The following ADARB2 variants were observed in gnomAD, a reference collection of about 807,000 sequenced individuals.
ADARB2 encodes the protein adenosine deaminase RNA specific B2 (inactive), also known as inactive double-stranded RNA-specific editase B2.
Under a neutral mutation model 62.2 loss-of-function variants are expected in ADARB2, and 25 were observed. The observed-to-expected ratio is 0.40, with a 90% CI of 0.29 to 0.56. The LOEUF (loss-of-function observed/expected upper bound fraction) is 0.56, where lower values mean the gene tolerates loss of function less well. ADARB2 is among the 20% of genes least tolerant of loss of function. ADARB2 has a pLI of 0.43. For missense variants in ADARB2, 1,071 were observed against 1,077.4 expected, an observed-to-expected ratio of 0.99 and a Z score of 0.08; for synonymous variants, 572 against 500.8, an observed-to-expected ratio of 1.14 and a Z score of -1.90.
At chr10:1,260,117 A>T (rs1430902471) in intron 4 of ADARB2, among the ~76,000 whole-genome samples, 1 of 130,312 alleles carries the variant, frequency 7.7e-6, no homozygotes. Context: ...ATGCTAAAAA[A>T]ACCTCAATAA....
chr10:1,203,454 C>T (rs141519010), intron 7 of ADARB2, among the ~76,000 whole-genome samples: 1 of 152,336 alleles, frequency 6.6e-6, no homozygotes, highest in African/African-American at 2.4e-5. Context: ...CGTGACGCGG[C>T]CCTGTGAGGA....
chr10:1,460,117 G>A (rs71500109), intron 1 of ADARB2, among the ~76,000 whole-genome samples: 896 of 22,170 alleles, frequency 0.04, 52 homozygotes, highest in African/African-American at 0.066. Context: ...CCTGCGTTAC[G>A]AACCTGCCTG....
chr10:1,291,328 A>C (rs548929291), intron 3 of ADARB2: 18 of 152,338 alleles, frequency 1.2e-4, no homozygotes, highest in African/African-American at 4.3e-4. Flanking sequence ...TGGAGAACAG[A>C]AATCAGTGGA....
intron 1 of ADARB2, chr10:1,675,409 T>C (rs1042883709): frequency 5.1e-6 from 5 of 982,704 alleles, no homozygotes; most frequent in Middle Eastern, 5.3e-4. Flanking sequence ...GAGGTTTGGG[T>C]TAAGGGATCC....
intron 1 of ADARB2, among the ~76,000 whole-genome samples, chr10:1,623,620 T>C (rs2073948969): frequency 6.6e-6 from 1 of 152,222 alleles, no homozygotes; most frequent in East Asian, 1.9e-4. Flanking sequence ...ACTCCTTGTC[T>C]GTCCCGTTGT....
At chr10:1,386,249 A>G (rs1832524278) in intron 1 of ADARB2, among the ~76,000 whole-genome samples, 1 of 152,006 alleles carries the variant, frequency 6.6e-6, no homozygotes, top group South Asian at 2.1e-4. Context: ...AAAGGCAAAG[A>G]AAGAGAAACA....
intron 3 of ADARB2, among the ~76,000 whole-genome samples, chr10:1,326,843 C>A (rs12358495): frequency 0.15 from 3,866 of 25,134 alleles, 506 homozygotes; most frequent in South Asian, 0.18. Context: ...TCCCCACGGC[C>A]CAGCGCCTCC....
At chr10:1,450,272 T>A (rs950596781) in intron 1 of ADARB2, among the ~76,000 whole-genome samples, 2 of 152,242 alleles carry the variant, frequency 1.3e-5, no homozygotes, top group African/African-American at 4.8e-5. Flanking sequence ...GCAATTATAG[T>A]CTGTTACATA....
intron 1 of ADARB2, among the ~76,000 whole-genome samples, chr10:1,607,982 G>A (rs1833515236): frequency 6.6e-6 from 1 of 152,196 alleles, no homozygotes; most frequent in Admixed American, 6.5e-5. Flanking sequence ...AGTGTGCAAG[G>A]GCAATGCAAT....
rs1834861183 is a variant in ADARB2, at chr10:1,704,356, C to T, written c.100+32695G>A. Among the ~76,000 whole-genome samples, 2 of 152,140 alleles carry T rather than the reference C, an allele frequency of 1.3e-5. No homozygotes were observed. The highest frequency in any genetic ancestry group is 4.8e-5 in the African/African-American group (2 of 41,424). Reference sequence around the variant, plus strand: ...CTTGTTTTCCTGCAACTCGATGGCCCCACCTGGGGATGATGGGAGACAGTG... The same window carrying T: ...CTTGTTTTCCTGCAACTCGATGGCCTCACCTGGGGATGATGGGAGACAGTG... On this transcript the variant is annotated intron_variant, in intron 1 of 9. Transcript: ENST00000381312. The surrounding 1 kb of genome is among the most constrained non-coding windows in gnomAD (Gnocchi z 5.6).
chr10:1,729,966 GATTA>G (rs1450788367), intron 1 of ADARB2, among the ~76,000 whole-genome samples: 1 of 152,242 alleles, frequency 6.6e-6, no homozygotes, highest in African/African-American at 2.4e-5. Flanking sequence ...GAGCAGCACA[GATTA>G]ATTAAATCGA....
intron 1 of ADARB2, among the ~76,000 whole-genome samples, chr10:1,402,915 G>A (rs1278070184): frequency 2.6e-5 from 4 of 152,202 alleles, no homozygotes; most frequent in African/African-American, 9.7e-5. Flanking sequence ...CCTTCCAAGT[G>A]GAACTGGGCC....
At chr10:1,583,506 C>T (rs1460482665) in intron 1 of ADARB2, among the ~76,000 whole-genome samples, 2 of 152,156 alleles carry the variant, frequency 1.3e-5, no homozygotes. Flanking sequence ...CAGCCCACCC[C>T]CAAGTCAGAT....
intron 4 of ADARB2, among the ~76,000 whole-genome samples, chr10:1,263,587 A>G (rs1339191811): frequency 6.6e-6 from 1 of 152,228 alleles, no homozygotes; most frequent in Non-Finnish European, 1.5e-5. Context: ...ATAATCAGAA[A>G]AGTGAAGAAG....
intron 1 of ADARB2, among the ~76,000 whole-genome samples, chr10:1,400,915 C>T (rs1229446319): frequency 6.6e-6 from 1 of 152,194 alleles, no homozygotes; most frequent in East Asian, 1.9e-4. Context: ...TCAGCGACGG[C>T]TGAGTCAGGG....
chr10:1,465,113 G>A (rs776519277), intron 1 of ADARB2, among the ~76,000 whole-genome samples: 7 of 152,200 alleles, frequency 4.6e-5, no homozygotes, highest in South Asian at 2.1e-4. Flanking sequence ...CGTCCTGCTC[G>A]GTGACAGGCA....
At chr10:1,417,835 G>A (rs1231718479) in intron 1 of ADARB2, among the ~76,000 whole-genome samples, 1 of 152,246 alleles carries the variant, frequency 6.6e-6, no homozygotes, top group Non-Finnish European at 1.5e-5. Context: ...ATGGCAAGTG[G>A]CAGCCATGTG....
intron 1 of ADARB2, among the ~76,000 whole-genome samples, chr10:1,527,812 G>A (rs1481582533): frequency 6.6e-6 from 1 of 152,204 alleles, no homozygotes; most frequent in African/African-American, 2.4e-5. Flanking sequence ...AAGAACATCA[G>A]ATGGACGACA....
intron 1 of ADARB2, among the ~76,000 whole-genome samples, chr10:1,728,981 T>C (rs931370015): frequency 1.1e-4 from 17 of 152,344 alleles, no homozygotes; most frequent in African/African-American, 3.8e-4. Context: ...CCAACAATGA[T>C]GTTTATCTCA....
Sources: allele counts gnomAD v4.1 joint callset (sites outside exome capture counted in the v4.1 genomes callset), GRCh38; gene constraint gnomAD v4.1.1; non-coding constraint Gnocchi (gnomAD v3.1); transcripts MANE v1.5; gene names NCBI Gene and HGNC (gene_info 2026-07-23, HGNC 2026-07-21).